GDPD4: variants seen among roughly 807,000 people sequenced by gnomAD.
The protein encoded by GDPD4 is glycerophosphodiester phosphodiesterase 6.
A neutral mutation model predicts 67.8 loss-of-function variants in GDPD4; 60 were observed. The ratio of observed to expected loss-of-function variants is 0.88; its 90% CI spans 0.72 to 1.10. GDPD4 has a LOEUF of 1.10. Among genes scored for constraint, GDPD4 ranks in the 50% least tolerant of loss-of-function variants. The pLI, the probability that GDPD4 is intolerant of heterozygous loss-of-function variation, is 0.00. For synonymous variants in GDPD4, 212 were observed against 210.9 expected (o/e 1.00, Z -0.04); for missense variants, 623 against 613.9 (o/e 1.01, Z -0.16).
intron 16 of GDPD4, among the ~76,000 whole-genome samples, chr11:77,223,297 A>C (rs959715529): frequency 1.3e-5 from 2 of 151,706 alleles, no homozygotes; most frequent in African/African-American, 4.8e-5. Flanking sequence ...GAGAAGAGGC[A>C]GTCTGGTTTC....
chr11:77,227,695 C>A (rs1188918786), intron 16 of GDPD4, among the ~76,000 whole-genome samples, 169 bp downstream of exon 16: 1 of 152,196 alleles, frequency 6.6e-6, no homozygotes, highest in African/African-American at 2.4e-5. Flanking sequence ...TGTACAGAGT[C>A]CTCCAGAATC....
chr11:77,274,940 C>T (rs896454157), intron 5 of GDPD4, among the ~76,000 whole-genome samples: 13 of 151,986 alleles, frequency 8.6e-5, no homozygotes, highest in African/African-American at 3.1e-4. Flanking sequence ...TGAGAACATA[C>T]CATTAGATAA....
chr11:77,297,060 C>CAAAAAAAAAAAAA (rs538534637), intron 1 of GDPD4, among the ~76,000 whole-genome samples: 1 of 116,588 alleles, frequency 8.6e-6, no homozygotes, highest in Non-Finnish European at 1.8e-5. Flanking sequence ...TCAAAAAAAA[C>CAAAAAAAAAAAAA]AAAAAAAAAA....
chr11:77,262,846 C>A (rs2955986), intron 10 of GDPD4, among the ~76,000 whole-genome samples: 1 of 96,294 alleles, frequency 1.0e-5, no homozygotes, highest in Non-Finnish European at 1.9e-5. Flanking sequence ...CTAAATCTTT[C>A]TCTGCTGCAA....
intron 14 of GDPD4, among the ~76,000 whole-genome samples, chr11:77,232,617 G>A (rs958131818): frequency 9.2e-5 from 14 of 152,174 alleles, no homozygotes; most frequent in African/African-American, 1.7e-4. Flanking sequence ...TCTCCATGCC[G>A]TTGTCAATTG....
rs776025999 is a variant in GDPD4 at position 77,229,221 on chromosome 11, G to GA, written c.1400dup (p.Tyr468LeufsTer29). On this transcript the variant is annotated frameshift_variant, in exon 15 of 17. Transcript: ENST00000315938. LOFTEE classifies it high-confidence loss of function. ...CTGCAAGGAGCCACATGAACACATA[G>GA]AACTTTGGTGTCTGAAAAACATAAA... 1.7e-5 allele frequency: 27 copies of GA among 1,598,658 alleles called. No individual in the cohort carries two copies. Among genetic ancestry groups the GA allele is most frequent in the Non-Finnish European group, 2.3e-5 (27 of 1,171,662 alleles).
intron 16 of GDPD4, 80 bp downstream of exon 16, chr11:77,227,784 G>A (rs1958371756): frequency 2.0e-6 from 2 of 1,023,070 alleles, no homozygotes; most frequent in African/African-American, 3.1e-5. Flanking sequence ...TCTTGTCAGG[G>A]ACATGAAAAG....
At chr11:77,254,083 A>G (rs1958957077) in intron 11 of GDPD4, among the ~76,000 whole-genome samples, 1 of 152,202 alleles carries the variant, frequency 6.6e-6, no homozygotes, top group Admixed American at 6.5e-5. Context: ...AGATGTGAGT[A>G]GTTCCAAGAT....
chr11:77,252,118 CAGT>C (rs1439906134), intron 11 of GDPD4, among the ~76,000 whole-genome samples: 1 of 138,168 alleles, frequency 7.2e-6, no homozygotes, highest in East Asian at 2.2e-4. Context: ...GGCTGGAGTG[CAGT>C]AGTGTGATCT....
At chr11:77,240,285 A>T (rs1470494071) in intron 13 of GDPD4, among the ~76,000 whole-genome samples, 1 of 152,238 alleles carries the variant, frequency 6.6e-6, no homozygotes, top group Non-Finnish European at 1.5e-5. Context: ...ATGGCATAAA[A>T]ACAGACACAT....
At chr11:77,262,984 ATGCT>A (rs1258919247) in intron 10 of GDPD4, among the ~76,000 whole-genome samples, 1 of 152,032 alleles carries the variant, frequency 6.6e-6, no homozygotes, top group Non-Finnish European at 1.5e-5. Flanking sequence ...CAATTTTTAC[ATGCT>A]TGAAGAAAAC....
At chr11:77,220,983 C>T (rs1446410316) in intron 16 of GDPD4, among the ~76,000 whole-genome samples, 1 of 152,036 alleles carries the variant, frequency 6.6e-6, no homozygotes, top group South Asian at 2.1e-4. Flanking sequence ...CTGGTTTAGT[C>T]GTGGGAGGGT....
At position 77,267,489 on chromosome 11, in the gene GDPD4, C is replaced by T. The variant is rs112498963; in HGVS notation, c.707+968G>A. 3.3e-3 allele frequency among the ~76,000 whole-genome samples: 509 copies of T among 152,310 alleles called. 1 individual carries two copies. Among genetic ancestry groups the T allele is most frequent in the African/African-American group, 0.011 (473 of 41,578 alleles). ...ATTTACTGTTCTTGCTATTTTTTAA[C>T]TTAGCCATACCGATAGATGAGTAGT... On this transcript the variant is annotated intron_variant, in intron 10 of 16. Coordinates refer to ENST00000315938, the MANE Select transcript of GDPD4 (RefSeq NM_182833.3).
intron 16 of GDPD4, among the ~76,000 whole-genome samples, chr11:77,223,434 ACAGT>A (rs1230434405): frequency 3.9e-5 from 6 of 152,076 alleles, no homozygotes; most frequent in Non-Finnish European, 7.4e-5. Flanking sequence ...CTTCTAACAA[ACAGT>A]CAGGTCCCTC....
intron 11 of GDPD4, 95 bp from the exon 12 acceptor site, chr11:77,245,597 C>T: frequency 1.3e-6 from 1 of 763,016 alleles, no homozygotes; most frequent in Non-Finnish European, 2.2e-6. Context: ...GCTCCATTAT[C>T]ATTCAATCCA....
intron 11 of GDPD4, among the ~76,000 whole-genome samples, chr11:77,257,636 T>C (rs1959030438): frequency 6.7e-6 from 1 of 149,588 alleles, no homozygotes; most frequent in African/African-American, 2.4e-5. Flanking sequence ...TCATCATTAC[T>C]GCCCTTGCTT....
At chr11:77,295,184 CA>C (rs1370541372) in intron 1 of GDPD4, among the ~76,000 whole-genome samples, 1 of 151,366 alleles carries the variant, frequency 6.6e-6, no homozygotes, top group African/African-American at 2.4e-5. Flanking sequence ...GATGGGGTTT[CA>C]CTGTGTTAGC....
intron 16 of GDPD4, among the ~76,000 whole-genome samples, chr11:77,220,601 G>T (rs1215658254): frequency 6.6e-6 from 1 of 152,194 alleles, no homozygotes. Flanking sequence ...GCTGGATTCG[G>T]TTTGCCAGTA....
intron 13 of GDPD4, among the ~76,000 whole-genome samples, chr11:77,235,011 T>G (rs376199962): frequency 7.3e-3 from 277 of 38,116 alleles, no homozygotes; most frequent in South Asian, 0.012. Context: ...CAATATCTGT[T>G]TTTTTTTTTT....
Sources: gnomAD v4.1 joint callset for allele counts (sites outside exome capture counted in the v4.1 genomes callset) on GRCh38, gnomAD v4.1.1 for gene constraint, MANE v1.5 for transcripts, NCBI Gene and HGNC (gene_info 2026-07-23, HGNC 2026-07-21) for gene names.